TENM1: variants seen among roughly 807,000 people sequenced by gnomAD.
TENM1 encodes teneurin transmembrane protein 1.
Under a neutral mutation model 174.8 loss-of-function variants are expected in TENM1, and 35 were observed. The ratio of observed to expected loss-of-function variants is 0.20; its 90% confidence interval spans 0.15 to 0.27. The LOEUF is 0.27. TENM1 is among the 10% of genes least tolerant of loss of function. The probability of loss-of-function intolerance (pLI) is 1.00; values close to 1 mark genes in which losing one functional copy is unlikely to be tolerated. For missense variants in TENM1, 1,633 were observed against 2,130.1 expected, an observed-to-expected ratio of 0.77 and a Z score of 4.59; for synonymous variants, 781 against 798.7, an observed-to-expected ratio of 0.98 and a Z score of 0.37.
the TENM1 span, among the ~76,000 whole-genome samples, chrX:125,103,124 A>C: frequency 8.9e-6 from 1 of 112,324 alleles, no homozygotes; most frequent in East Asian, 2.8e-4. Context: ...TTGTAGTCAA[A>C]AATGTTTACA....
intron 3 of TENM1, among the ~76,000 whole-genome samples, chrX:124,756,877 G>A (rs919150790): frequency 3.6e-5 from 4 of 111,667 alleles, no homozygotes; most frequent in Non-Finnish European, 5.6e-5. Flanking sequence ...GTACCCGGCC[G>A]TGTGAGGTGT....
At chrX:124,757,073 TTGTC>T (rs1404953513) in intron 3 of TENM1, among the ~76,000 whole-genome samples, 4 of 112,469 alleles carry the variant, frequency 3.6e-5, no homozygotes, top group African/African-American at 1.3e-4. Context: ...GTCTTTTTGT[TTGTC>T]TGTGTCCTGC....
chrX:124,474,072 T>C (rs182823341), intron 22 of TENM1, among the ~76,000 whole-genome samples: 267 of 111,269 alleles, frequency 2.4e-3, no homozygotes, highest in African/African-American at 8.1e-3. Context: ...TTATCAAGTC[T>C]CAGATTGACC....
At chrX:124,558,384 C>T (rs768899627) in intron 14 of TENM1, among the ~76,000 whole-genome samples, 105 of 111,468 alleles carry the variant, frequency 9.4e-4, no homozygotes, top group Non-Finnish European at 1.8e-3. Flanking sequence ...GAAGCAAATG[C>T]TTGAAAGTGA....
the TENM1 span, among the ~76,000 whole-genome samples, chrX:124,972,030 T>C: frequency 6.4e-5 from 7 of 109,556 alleles, no homozygotes; most frequent in South Asian, 2.0e-3. Context: ...GTCAGGAGTA[T>C]GAGAACAGCC....
At chrX:124,569,517 C>A (rs1286455682) in intron 11 of TENM1, among the ~76,000 whole-genome samples, 1 of 111,791 alleles carries the variant, frequency 8.9e-6, no homozygotes, top group Non-Finnish European at 1.9e-5. Flanking sequence ...GGCTCTAAAG[C>A]AAGTCTTGAT....
At chrX:124,760,916 T>C (rs1039174709) in intron 3 of TENM1, among the ~76,000 whole-genome samples, 1 of 111,886 alleles carries the variant, frequency 8.9e-6, no homozygotes, top group African/African-American at 3.3e-5. Flanking sequence ...AAAGAAGACA[T>C]TAATGCAGCC....
chrX:125,188,765 A>G, the TENM1 span, among the ~76,000 whole-genome samples: 1 of 112,168 alleles, frequency 8.9e-6, no homozygotes, highest in African/African-American at 3.2e-5. Context: ...CATTCATACT[A>G]GGCTGAAGTG....
intron 1 of TENM1, among the ~76,000 whole-genome samples, chrX:124,908,861 A>ATT (rs779878309): frequency 0.011 from 1,131 of 99,636 alleles, 24 homozygotes; most frequent in African/African-American, 0.039. Context: ...TATTATTCCA[A>ATT]TTTTTTTTTT....
chrX:125,081,023 C>G, the TENM1 span, among the ~76,000 whole-genome samples: 1 of 111,232 alleles, frequency 9.0e-6, no homozygotes, highest in Non-Finnish European at 1.9e-5. Flanking sequence ...ATCTATTTTT[C>G]TCTGCTACCC....
chrX:124,762,559 G>A (rs1191210243), intron 3 of TENM1, among the ~76,000 whole-genome samples: 1 of 111,129 alleles, frequency 9.0e-6, no homozygotes, highest in African/African-American at 3.3e-5. Context: ...CAATATAATA[G>A]AACAGGTCAG....
At chrX:124,484,982 CAG>C (rs1304724835) in intron 21 of TENM1, among the ~76,000 whole-genome samples, 2 of 111,498 alleles carry the variant, frequency 1.8e-5, no homozygotes, top group East Asian at 5.6e-4. Context: ...AACTGAACTG[CAG>C]GATATAAAAC....
chrX:125,063,715 C>T, the TENM1 span, among the ~76,000 whole-genome samples: 3 of 111,688 alleles, frequency 2.7e-5, no homozygotes, highest in African/African-American at 9.8e-5. Flanking sequence ...GTTGGTGGGA[C>T]TGTAAACTAG....
the TENM1 span, among the ~76,000 whole-genome samples, chrX:125,108,006 G>A: frequency 1.8e-5 from 2 of 111,831 alleles, no homozygotes; most frequent in African/African-American, 6.5e-5. Flanking sequence ...AGATATTGAA[G>A]TTTATAAAAC....
At chrX:124,574,769 C>G (rs2049129416) in intron 11 of TENM1, among the ~76,000 whole-genome samples, 1 of 110,941 alleles carries the variant, frequency 9.0e-6, no homozygotes, top group African/African-American at 3.3e-5. Context: ...GTAGGCAGTG[C>G]CAGCTCAAGC....
chrX:124,437,505 T>G (rs1429233141), intron 23 of TENM1, among the ~76,000 whole-genome samples: 2 of 111,319 alleles, frequency 1.8e-5, no homozygotes, highest in Non-Finnish European at 1.9e-5. Flanking sequence ...ATGTCATTAT[T>G]CTCTAGAAAC....
At chrX:124,607,687 T>C (rs994759036) in intron 11 of TENM1, among the ~76,000 whole-genome samples, 7 of 110,289 alleles carry the variant, frequency 6.3e-5, no homozygotes, top group Admixed American at 1.9e-4. Context: ...GGGAAGACCA[T>C]GGAAGCTTGT....
chrX:124,947,632 A>C (rs2147772213), intron 1 of TENM1, among the ~76,000 whole-genome samples: 1 of 112,258 alleles, frequency 8.9e-6, no homozygotes, highest in East Asian at 2.8e-4. Flanking sequence ...TACTTGCTGA[A>C]GTATAATGGT....
intron 3 of TENM1, among the ~76,000 whole-genome samples, chrX:124,739,828 G>C (rs1229715902): frequency 1.8e-5 from 2 of 112,334 alleles, no homozygotes; most frequent in Non-Finnish European, 3.8e-5. Flanking sequence ...ACTGGGTACA[G>C]AGCAAGATCT....
Sources: gnomAD v4.1 joint callset for allele counts (sites outside exome capture counted in the v4.1 genomes callset) on GRCh38, gnomAD v4.1.1 for gene constraint, MANE v1.5 for transcripts, NCBI Gene and HGNC (gene_info 2026-07-23, HGNC 2026-07-21) for gene names.